The following CIT variants were observed in gnomAD, a reference collection of about 807,000 sequenced individuals.
CIT encodes citron rho-interacting serine/threonine kinase, also known as citron Rho-interacting kinase.
In CIT, 79 loss-of-function variants were observed where a neutral mutation model predicts 272.7. That is an observed-to-expected ratio of 0.29 (90% confidence interval 0.24 to 0.35). The LOEUF is 0.35. Ranked by LOEUF, CIT falls within the 10% of genes least tolerant of loss-of-function variation. The pLI is 1.00. For missense variants in CIT, 1,909 were observed against 2,618.3 expected, an observed-to-expected ratio of 0.73 and a Z score of 5.91; for synonymous variants, 948 against 995.6, an observed-to-expected ratio of 0.95 and a Z score of 0.90.
intron 23 of CIT, among the ~76,000 whole-genome samples, chr12:119,743,340 G>A (rs1030986185): frequency 1.3e-5 from 2 of 152,148 alleles, no homozygotes; most frequent in Non-Finnish European, 1.5e-5. Context: ...AGGATGATGA[G>A]GAGCCAGCCA....
At chr12:119,754,093 G>A (rs1054220282) in intron 22 of CIT, among the ~76,000 whole-genome samples, 5 of 152,070 alleles carry the variant, frequency 3.3e-5, no homozygotes, top group South Asian at 2.1e-4. Context: ...CAGCAAATAC[G>A]GTCCTCACAA....
At chr12:119,751,774 T>C (rs377110736) in intron 23 of CIT, among the ~76,000 whole-genome samples, 1 of 152,146 alleles carries the variant, frequency 6.6e-6, no homozygotes, top group African/African-American at 2.4e-5. Context: ...AACTTTAAAA[T>C]ATAATGATGA....
intron 10 of CIT, among the ~76,000 whole-genome samples, chr12:119,793,609 C>A (rs982608498): frequency 2.1e-4 from 32 of 152,238 alleles, no homozygotes; most frequent in African/African-American, 7.0e-4. Context: ...GTACCCCCTA[C>A]CCAAACATGC....
At chr12:119,757,713 G>T (rs1005730079) in intron 21 of CIT, among the ~76,000 whole-genome samples, 168 bp from the exon 22 acceptor site, 1 of 152,158 alleles carries the variant, frequency 6.6e-6, no homozygotes, top group Non-Finnish European at 1.5e-5. Flanking sequence ...GCATGATCCC[G>T]GCATGACGAA....
rs373663560 is a variant in CIT, at chr12:119,803,341, T to C, written c.1160A>G (p.Asn387Ser). Reference protein sequence around the residue: ...PTLKSDDDTSNFDEPEKNSWV... With the variant: ...PTLKSDDDTSSFDEPEKNSWV... ...CGAATTCTTCTCTGGTTCATCAAAA[T>C]TGGAGGTGTCATCGTCAGACTTGAG... is the stretch of plus-strand genomic sequence containing the variant. The change falls in exon 10 of 48, where the codon AAT becomes AGT. Residue 387 changes from asparagine to serine, a missense_variant. Transcript: ENST00000392521. 23 of 1,604,090 alleles carry C rather than the reference T, an allele frequency of 1.4e-5. No homozygotes were observed. In the African/African-American group the frequency reaches 2.8e-4, roughly 20 times the overall value.
intron 40 of CIT, among the ~76,000 whole-genome samples, chr12:119,706,479 C>T (rs544692911): frequency 7.2e-5 from 11 of 152,224 alleles, no homozygotes; most frequent in Admixed American, 3.9e-4. Flanking sequence ...GTGTGTTCCC[C>T]TCTATGTGTC....
At chr12:119,779,705 A>G (rs1196772003) in intron 13 of CIT, among the ~76,000 whole-genome samples, 1 of 152,086 alleles carries the variant, frequency 6.6e-6, no homozygotes, top group Non-Finnish European at 1.5e-5. Context: ...CCTTCCCCCC[A>G]ACATCTCTCT....
At chr12:119,711,327 A>T (rs916639673) in intron 37 of CIT, among the ~76,000 whole-genome samples, 1 of 152,226 alleles carries the variant, frequency 6.6e-6, no homozygotes, top group Non-Finnish European at 1.5e-5. Flanking sequence ...GTATCCTGGA[A>T]CATTTTAGGT....
At chr12:119,852,010 G>A (rs1020046453) in intron 4 of CIT, among the ~76,000 whole-genome samples, 2 of 152,174 alleles carry the variant, frequency 1.3e-5, no homozygotes, top group African/African-American at 2.4e-5. Context: ...TCCAGCTTGG[G>A]CAACCAAGCA....
At chr12:119,869,532 C>T (rs190908509) in intron 2 of CIT, among the ~76,000 whole-genome samples, 2 of 152,306 alleles carry the variant, frequency 1.3e-5, no homozygotes, top group Admixed American at 6.5e-5. Flanking sequence ...TGACATGCTT[C>T]CATGTTTCTA....
At chr12:119,831,023 GT>G (rs1735579604) in intron 7 of CIT, among the ~76,000 whole-genome samples, 2 of 152,074 alleles carry the variant, frequency 1.3e-5, no homozygotes, top group African/African-American at 4.8e-5. Flanking sequence ...GTACTACCAT[GT>G]CTGGCTAATT....
At chr12:119,795,614 C>G (rs1214346722) in intron 10 of CIT, among the ~76,000 whole-genome samples, 1 of 152,144 alleles carries the variant, frequency 6.6e-6, no homozygotes, top group East Asian at 1.9e-4. Flanking sequence ...TACTATTAGA[C>G]AAGTCCATAA....
intron 10 of CIT, among the ~76,000 whole-genome samples, chr12:119,800,159 G>T (rs550619000): frequency 1.3e-5 from 2 of 152,226 alleles, no homozygotes; most frequent in African/African-American, 2.4e-5. Flanking sequence ...GCAAAGAAAG[G>T]CTGAGAGGAA....
rs773526204 is a variant in CIT at position 119,803,371 on chromosome 12, G to T, written c.1130C>A (p.Pro377His). The T allele has an allele frequency of 6.4e-7, 1 of 1,573,090 alleles. No individual in the cohort carries two copies. The highest frequency in any genetic ancestry group is 8.6e-7 in the Non-Finnish European group (1 of 1,164,178). Residue 377 changes from proline (P) to histidine (H), a missense_variant, in exon 10 of 48, where the codon CCC (proline) becomes CAC (histidine). Physicochemically the swap from Pro to His is moderately conservative, Grantham distance 77 (BLOSUM62 -2). Coordinates refer to ENST00000392521, the MANE Select transcript of CIT (RefSeq NM_001206999.2). Reference sequence around the variant, plus strand: ...GGTGTCATCGTCAGACTTGAGGGTGGGAACGAAGGGGGGAGGAGCTGGTTA... The same window carrying T: ...GGTGTCATCGTCAGACTTGAGGGTGTGAACGAAGGGGGGAGGAGCTGGTTA... ...NIRNSPPPFV[P>H]TLKSDDDTSN...
At position 119,742,479 on chromosome 12, in the gene CIT, G is replaced by A; in HGVS notation, c.2905-15C>T. ...TCTCTATGTGCCTAAAAGGTAAGAAGTTGATTATAAATTTTTCATAGGGTA... is the reference window on the plus strand; with the variant it reads ...TCTCTATGTGCCTAAAAGGTAAGAAATTGATTATAAATTTTTCATAGGGTA... On this transcript the variant is annotated splice_polypyrimidine_tract_variant and intron_variant, in intron 23 of 47. Transcript: ENST00000392521. The A allele has an allele frequency of 6.3e-7, 1 of 1,599,304 alleles. No homozygotes were observed. The highest frequency in any genetic ancestry group is 8.5e-7 in the Non-Finnish European group (1 of 1,173,382).
chr12:119,790,672 T>C (rs1965232926), intron 10 of CIT, among the ~76,000 whole-genome samples: 1 of 152,148 alleles, frequency 6.6e-6, no homozygotes, highest in Admixed American at 6.5e-5. Flanking sequence ...CCAGTGGTTC[T>C]CAACAGGGGC....
intron 5 of CIT, among the ~76,000 whole-genome samples, chr12:119,848,805 C>T (rs1970005000): frequency 6.6e-6 from 1 of 152,128 alleles, no homozygotes; most frequent in African/African-American, 2.4e-5. Context: ...GCAGGAAGAT[C>T]TCTTGAGCTC....
At position 119,757,359 on chromosome 12, in the gene CIT, CCT is replaced by C; in HGVS notation, c.2706+10_2706+11del. 1 of 1,613,430 alleles carries C rather than the reference CCT, an allele frequency of 6.2e-7. No individual in the cohort carries two copies. The highest frequency in any genetic ancestry group is 2.2e-5 in the East Asian group (1 of 44,848). ...CAGCAAATCCTCCCAGGAGATGACT[CCT>C]CGCTCTCACCTCCCGCAATCTTGTC... is the stretch of plus-strand genomic sequence containing the variant. On this transcript the variant is annotated intron_variant, in intron 22 of 47. Transcript: ENST00000392521.
At chr12:119,808,283 C>T (rs1476428155) in intron 9 of CIT, among the ~76,000 whole-genome samples, 1 of 152,192 alleles carries the variant, frequency 6.6e-6, no homozygotes, top group East Asian at 1.9e-4. Context: ...CCTTTGAGCT[C>T]CAGCTGCCTC....
Sources: allele counts gnomAD v4.1 joint callset (sites outside exome capture counted in the v4.1 genomes callset), GRCh38; gene constraint gnomAD v4.1.1; transcripts MANE v1.5; gene names NCBI Gene and HGNC (gene_info 2026-07-23, HGNC 2026-07-21).